The following IQCM variants were observed in gnomAD, a reference collection of about 807,000 sequenced individuals.
IQCM encodes the protein IQ motif containing M, also known as IQ domain-containing protein M.
Under a neutral mutation model 57.6 loss-of-function variants are expected in IQCM, and 45 were observed. That is an observed-to-expected ratio of 0.78 (90% CI 0.62 to 1.00). The LOEUF (loss-of-function observed/expected upper bound fraction) is 1.00. IQCM is among the 50% of genes least tolerant of loss of function. IQCM has a pLI of 0.00. For missense variants in IQCM, 468 were observed against 511.6 expected (o/e 0.91, Z 0.82); for synonymous variants, 148 against 158.9 (o/e 0.93, Z 0.51).
At chr4:149,564,331 G>T (rs1750407455) in intron 9 of IQCM, among the ~76,000 whole-genome samples, 1 of 152,182 alleles carries the variant, frequency 6.6e-6, no homozygotes, top group East Asian at 1.9e-4. Flanking sequence ...TTTGAATTGA[G>T]AGTCTCTGTA....
intron 8 of IQCM, among the ~76,000 whole-genome samples, chr4:149,605,846 G>C (rs1339726110): frequency 6.6e-6 from 1 of 151,926 alleles, no homozygotes; most frequent in Non-Finnish European, 1.5e-5. Context: ...TTCTGCTTGG[G>C]GGAAGGCAAG....
chr4:149,437,494 C>G (rs1294977832), intron 12 of IQCM, among the ~76,000 whole-genome samples: 1 of 152,014 alleles, frequency 6.6e-6, no homozygotes, highest in Non-Finnish European at 1.5e-5. Context: ...TAGTTTTCCC[C>G]TCTTCTCAGG....
chr4:149,749,937 A>T (rs941424901), intron 2 of IQCM, among the ~76,000 whole-genome samples: 2 of 152,188 alleles, frequency 1.3e-5, no homozygotes, highest in African/African-American at 4.8e-5. Flanking sequence ...AAGCCTGAGC[A>T]CATGACTAGC....
intron 5 of IQCM, among the ~76,000 whole-genome samples, chr4:149,706,916 AC>A (rs1049061981): frequency 1.3e-5 from 2 of 152,006 alleles, no homozygotes; most frequent in Non-Finnish European, 2.9e-5. Context: ...TTCTAAGATA[AC>A]AGGCAATTTC....
chr4:149,682,450 G>T (rs1209681893), intron 6 of IQCM, among the ~76,000 whole-genome samples: 1 of 151,044 alleles, frequency 6.6e-6, no homozygotes, highest in Non-Finnish European at 1.5e-5. Flanking sequence ...TTCCAAATGA[G>T]CCCAAACTAG....
chr4:149,789,446 T>A (rs1772374473), intron 2 of IQCM, among the ~76,000 whole-genome samples: 1 of 152,216 alleles, frequency 6.6e-6, no homozygotes, highest in South Asian at 2.1e-4. Flanking sequence ...AGGTAAGTAA[T>A]GCAGTCATTC....
intron 5 of IQCM, among the ~76,000 whole-genome samples, chr4:149,706,232 G>T (rs1474628801): frequency 6.6e-6 from 1 of 151,870 alleles, no homozygotes; most frequent in Non-Finnish European, 1.5e-5. Flanking sequence ...ATGGGTTAGA[G>T]CAGCTGATAA....
intron 2 of IQCM, among the ~76,000 whole-genome samples, chr4:149,747,944 C>A (rs1286319132): frequency 8.5e-5 from 13 of 152,176 alleles, no homozygotes; most frequent in East Asian, 1.9e-4. Flanking sequence ...GTGATGAGAG[C>A]AAACTTGGAT....
In IQCM at chr4:149,416,259, C is replaced by A. The variant is rs575115199; in HGVS notation, c.1390+17137G>T. Among the ~76,000 whole-genome samples the A allele has an allele frequency of 2.0e-4, 30 of 152,118 alleles. No homozygotes were observed. In the East Asian group the frequency reaches 5.4e-3, roughly 28 times the overall value. On this transcript the variant is annotated intron_variant, in intron 13 of 13. Coordinates refer to ENST00000636793, the MANE Select transcript of IQCM (RefSeq NM_001363507.2). ...CCCCCATGGAGCCTTAAAAATAATA[C>A]TGCAGAACATAGTGATCCTGAAGAT...
intron 12 of IQCM, among the ~76,000 whole-genome samples, chr4:149,474,380 C>T (rs1739942585): frequency 6.6e-6 from 1 of 151,836 alleles, no homozygotes; most frequent in Non-Finnish European, 1.5e-5. Flanking sequence ...CAGTGGACTC[C>T]AGCCTGGCAA....
rs115208134 is a variant in IQCM at position 149,474,891 on chromosome 4, A to G, written c.1229-41334T>C. 4.7e-3 allele frequency among the ~76,000 whole-genome samples: 719 copies of G among 152,200 alleles called. 6 individuals are homozygous for G. Among genetic ancestry groups the G allele is most frequent in the African/African-American group, 0.017 (696 of 41,504 alleles). ...GTGAATGGCCACGGTGTTCAAAAAA[A>G]CAGGGAAGTTAGTGTGCTAGAAGTA... On this transcript the variant is annotated intron_variant, in intron 12 of 13. Transcript: ENST00000636793.
chr4:149,732,542 C>T (rs970153931), intron 5 of IQCM, among the ~76,000 whole-genome samples: 1 of 152,160 alleles, frequency 6.6e-6, no homozygotes, highest in South Asian at 2.1e-4. Flanking sequence ...CTTTTAATTG[C>T]TGTTTCTCCA....
chr4:149,551,259 C>A lies in IQCM; in HGVS notation c.1093+1884G>T, dbSNP rs1186439500. On this transcript the variant is annotated intron_variant, in intron 11 of 13. Transcript: ENST00000636793. ...CCCTCTGCTTAGAACCTTCTTCCCC[C>A]ATAGTCCACCTGGCTTATCCCTTAC... Among the ~76,000 whole-genome samples the A allele has an allele frequency of 2.0e-5, 3 of 152,176 alleles. No homozygotes were observed. In the East Asian group the frequency reaches 5.8e-4, roughly 29 times the overall value.
intron 2 of IQCM, among the ~76,000 whole-genome samples, chr4:149,763,393 C>T (rs1393134655): frequency 4.0e-5 from 6 of 151,840 alleles, no homozygotes; most frequent in Non-Finnish European, 7.4e-5. Flanking sequence ...ACACAAAAAT[C>T]CATGCAAAAG....
chr4:149,621,456 G>A (rs1359899426), intron 7 of IQCM, among the ~76,000 whole-genome samples: 1 of 152,154 alleles, frequency 6.6e-6, no homozygotes, highest in Non-Finnish European at 1.5e-5. Context: ...CCTTCATATG[G>A]TAAGGTTCTC....
At chr4:149,380,918 G>C (rs1381596219) in intron 13 of IQCM, among the ~76,000 whole-genome samples, 1 of 152,074 alleles carries the variant, frequency 6.6e-6, no homozygotes, top group African/African-American at 2.4e-5. Flanking sequence ...TGAGAAAAAA[G>C]TTTCTTTAAT....
chr4:149,745,568 G>A (rs1561226595), intron 2 of IQCM, among the ~76,000 whole-genome samples: 1 of 152,124 alleles, frequency 6.6e-6, no homozygotes. Flanking sequence ...ACGGTTACAG[G>A]AATGCTAAGG....
chr4:149,557,285 G>C (rs573290067), intron 10 of IQCM, among the ~76,000 whole-genome samples: 27 of 152,252 alleles, frequency 1.8e-4, no homozygotes, highest in Non-Finnish European at 3.7e-4. Context: ...TACCAGAATG[G>C]CCTCGTTTTA....
chr4:149,594,684 T>A (rs951442050), intron 8 of IQCM, among the ~76,000 whole-genome samples: 42 of 152,314 alleles, frequency 2.8e-4, no homozygotes, highest in Admixed American at 1.2e-3. Flanking sequence ...TCAAAGAACA[T>A]CTTTATTTCT....
Sources: allele counts gnomAD v4.1 joint callset (sites outside exome capture counted in the v4.1 genomes callset), GRCh38; gene constraint gnomAD v4.1.1; transcripts MANE v1.5; gene names NCBI Gene and HGNC (gene_info 2026-07-23, HGNC 2026-07-21).